HUNK: variants seen among roughly 807,000 people sequenced by gnomAD.
The protein encoded by HUNK is hormonally up-regulated neu tumor-associated kinase.
Under a neutral mutation model 61.0 loss-of-function variants are expected in HUNK, and 21 were observed. That is an observed-to-expected ratio of 0.34 (90% CI 0.24 to 0.50). The LOEUF is 0.50. Among genes scored for constraint, HUNK ranks in the 20% least tolerant of loss-of-function variants. The pLI, the probability that HUNK is intolerant of heterozygous loss-of-function variation, is 0.98. For synonymous variants in HUNK, 371 were observed against 386.1 expected, an observed-to-expected ratio of 0.96 and a Z score of 0.46; for missense variants, 772 against 945.7, an observed-to-expected ratio of 0.82 and a Z score of 2.41.
intron 1 of HUNK, among the ~76,000 whole-genome samples, chr21:31,903,029 G>A (rs2052479924): frequency 6.6e-6 from 1 of 150,786 alleles, no homozygotes; most frequent in Admixed American, 6.6e-5. Context: ...GGAGAGAGGT[G>A]GAATTTGCAA....
intron 1 of HUNK, among the ~76,000 whole-genome samples, chr21:31,881,102 T>G (rs8128608): frequency 0.34 from 52,099 of 152,150 alleles, 9,402 homozygotes; most frequent in Middle Eastern, 0.46. Context: ...TCACAGCTGA[T>G]AGCCTGCAGC....
At chr21:31,959,906 C>T (rs1202784812) in intron 5 of HUNK, among the ~76,000 whole-genome samples, 1 of 152,178 alleles carries the variant, frequency 6.6e-6, no homozygotes, top group Non-Finnish European at 1.5e-5. Context: ...ATACTGTCAC[C>T]TCAAGGGAGG....
rs756698126 is a variant in HUNK, at chr21:31,974,544, G to A, written c.1011-11G>A. On this transcript the variant is annotated splice_polypyrimidine_tract_variant and intron_variant, in intron 6 of 10. Coordinates refer to ENST00000270112, the MANE Select transcript of HUNK (RefSeq NM_014586.2). ...CAGGGGTGACTGGTCCTCTCTCTCTGCACCTCGCAGGATTTCTCTGGAAGA... is the reference window on the plus strand; with the variant it reads ...CAGGGGTGACTGGTCCTCTCTCTCTACACCTCGCAGGATTTCTCTGGAAGA... 1.2e-6 allele frequency: 2 copies of A among 1,610,212 alleles called. No homozygotes were observed. Among genetic ancestry groups the A allele is most frequent in the Non-Finnish European group, 1.7e-6 (2 of 1,178,210 alleles).
chr21:31,900,346 C>T (rs952257155), intron 1 of HUNK, among the ~76,000 whole-genome samples: 2 of 151,880 alleles, frequency 1.3e-5, no homozygotes, highest in Non-Finnish European at 2.9e-5. Context: ...TCCATGTCAC[C>T]TCTCTTACTC....
In HUNK at chr21:31,924,823, G is replaced by C; in HGVS notation, c.554+63G>C. On this transcript the variant is annotated intron_variant, in intron 2 of 10. Coordinates refer to ENST00000270112, the MANE Select transcript of HUNK (RefSeq NM_014586.2). The surrounding 1 kb of genome is among the most constrained non-coding windows in gnomAD (Gnocchi z 5.1). Reference sequence around the variant, plus strand: ...GCTCCGTGGGTGGCACTGGGCTGTGGCACCCTCTGAGCCTCTGAGAAAGGC... The same window carrying C: ...GCTCCGTGGGTGGCACTGGGCTGTGCCACCCTCTGAGCCTCTGAGAAAGGC... 2.9e-6 allele frequency: 4 copies of C among 1,390,484 alleles called. No individual in the cohort carries two copies. The highest frequency in any genetic ancestry group is 3.9e-6 in the Non-Finnish European group (4 of 1,019,296). The allele number at this position is 1,390,484 out of a possible 1,614,324, so 86.1% of individuals were successfully genotyped here. A position where few individuals can be genotyped will look rare whatever the true frequency, so the allele number is the denominator to read the frequency against.
intron 8 of HUNK, among the ~76,000 whole-genome samples, chr21:31,984,727 T>C (rs903493468): frequency 1.3e-5 from 2 of 152,172 alleles, no homozygotes; most frequent in Non-Finnish European, 2.9e-5. Flanking sequence ...TGAGCTTTTC[T>C]TTCTCTCAGT....
chr21:31,999,169 C>A lies in HUNK; in HGVS notation c.2130C>A (p.Val710=). 6.2e-7 allele frequency: 1 copy of A among 1,605,748 alleles called. No individual in the cohort carries two copies. Among genetic ancestry groups the A allele is most frequent in the Non-Finnish European group, 8.5e-7 (1 of 1,175,792 alleles). Residue 710 remains valine (V), a synonymous_variant, in exon 11 of 11, where the codon GTC becomes GTA. Coordinates refer to ENST00000270112, the MANE Select transcript of HUNK (RefSeq NM_014586.2). ...VNLAFDMADG[V]KTQC is the part of the protein sequence containing the mutation. ...TTGCCTTTGACATGGCCGATGGGGT[C>A]AAGACCCAGTGCTAACTTGGGCCAG...
intron 2 of HUNK, among the ~76,000 whole-genome samples, chr21:31,934,630 G>A (rs563450979): frequency 1.4e-4 from 21 of 152,194 alleles, no homozygotes; most frequent in East Asian, 3.9e-4. Context: ...AGTACCCAAC[G>A]GGTAGTTTTT....
At chr21:31,947,586 G>T (rs2052818121) in intron 4 of HUNK, among the ~76,000 whole-genome samples, 1 of 152,220 alleles carries the variant, frequency 6.6e-6, no homozygotes, top group African/African-American at 2.4e-5. Context: ...GAGGGAATTG[G>T]TTGGTCTGGT....
In HUNK at chr21:32,000,771, A is replaced by G. The variant is rs2053240532; in HGVS notation, c.*1587A>G. On this transcript the variant is annotated 3_prime_UTR_variant, in exon 11 of 11. Transcript: ENST00000270112. ...GTTCTGAATCATTCTCTCATTCACC[A>G]GTGGTGACATCCTTCAGTCCCTCAC... The G allele has an allele frequency of 5.0e-6, 2 of 398,522 alleles. No individual in the cohort carries two copies. The highest frequency in any genetic ancestry group is 2.1e-5 in the African/African-American group (1 of 48,634). The allele number at this position is 398,522 out of a possible 1,614,324, so 24.7% of individuals were successfully genotyped here.
At chr21:31,879,983 T>C (rs1458796138) in intron 1 of HUNK, among the ~76,000 whole-genome samples, 1 of 152,188 alleles carries the variant, frequency 6.6e-6, no homozygotes, top group Non-Finnish European at 1.5e-5. Context: ...AATTTCACGC[T>C]TTCTGATAGG....
intron 2 of HUNK, among the ~76,000 whole-genome samples, chr21:31,926,969 TTTTCTTTCTTTCTTCC>T (rs1206134564): frequency 1.3e-5 from 2 of 151,388 alleles, no homozygotes; most frequent in Admixed American, 6.6e-5. Flanking sequence ...TTTCTTTCCT[TTTTCTTTCTTTCTTCC>T]TTTCTTTCTT....
intron 9 of HUNK, among the ~76,000 whole-genome samples, chr21:31,993,328 G>A (rs2053183709): frequency 6.6e-6 from 1 of 152,182 alleles, no homozygotes; most frequent in Non-Finnish European, 1.5e-5. Context: ...AACCCAAGGA[G>A]GGTTAGAAAG....
chr21:31,981,807 CAATTG>C (rs1249695298), intron 7 of HUNK, among the ~76,000 whole-genome samples: 8 of 152,102 alleles, frequency 5.3e-5, no homozygotes, highest in Non-Finnish European at 1.0e-4. Context: ...CAAACAGGGA[CAATTG>C]AACTTCCTTT....
At chr21:31,897,603 C>G (rs1436444173) in intron 1 of HUNK, among the ~76,000 whole-genome samples, 2 of 152,222 alleles carry the variant, frequency 1.3e-5, no homozygotes, top group African/African-American at 4.8e-5. Context: ...AATAAGGCCA[C>G]ATTCACAGAT....
chr21:31,999,937 G>A lies in HUNK; in HGVS notation c.*753G>A. The A allele has an allele frequency of 5.1e-6, 2 of 391,010 alleles. No homozygotes were observed. The highest frequency in any genetic ancestry group is 9.0e-6 in the Non-Finnish European group (2 of 221,694). The allele number at this position is 391,010 out of a possible 1,614,324, so 24.2% of individuals were successfully genotyped here. On this transcript the variant is annotated 3_prime_UTR_variant, in exon 11 of 11. Coordinates refer to ENST00000270112, the MANE Select transcript of HUNK (RefSeq NM_014586.2). ...CATAATTTTTTAAAACTTGGATGGA[G>A]AGATGAGAAGCAATTCCACCAAACT...
At chr21:31,913,638 C>T (rs2052561002) in intron 1 of HUNK, among the ~76,000 whole-genome samples, 2 of 151,836 alleles carry the variant, frequency 1.3e-5, no homozygotes, top group South Asian at 4.1e-4. Context: ...TGGCCAGAGG[C>T]ACGTCAGAGC....
chr21:31,904,279 A>T (rs2052489786), intron 1 of HUNK, among the ~76,000 whole-genome samples: 1 of 152,028 alleles, frequency 6.6e-6, no homozygotes, highest in South Asian at 2.1e-4. Context: ...ATGTTGCTAA[A>T]CTTTAAATGG....
At chr21:31,974,344 CAA>C in intron 6 of HUNK, 1 of 395,380 alleles carries the variant, frequency 2.5e-6, no homozygotes, top group Non-Finnish European at 4.4e-6. Context: ...GCAAGGATGG[CAA>C]AGTGATCACT....
Sources: gnomAD v4.1 joint callset for allele counts (sites outside exome capture counted in the v4.1 genomes callset) on GRCh38, gnomAD v4.1.1 for gene constraint, Gnocchi (gnomAD v3.1) non-coding constraint, MANE v1.5 for transcripts, NCBI Gene and HGNC (gene_info 2026-07-23, HGNC 2026-07-21) for gene names.